The following COG5 variants were observed in gnomAD, a reference collection of about 807,000 sequenced individuals.
COG5 encodes conserved oligomeric Golgi complex subunit 5.
A neutral mutation model predicts 110.4 loss-of-function variants in COG5; 86 were observed. That is an observed-to-expected ratio of 0.78 (90% CI 0.65 to 0.93). The LOEUF is 0.93. Among genes scored for constraint, COG5 ranks in the 40% least tolerant of loss-of-function variants. The probability of loss-of-function intolerance (pLI) is 0.00; values close to 1 mark genes in which losing one functional copy is unlikely to be tolerated. For missense variants in COG5, 1,077 were observed against 987.0 expected (o/e 1.09, Z -1.22); for synonymous variants, 360 against 334.6 (o/e 1.08, Z -0.83).
At chr7:107,503,578 A>G (rs948454076) in intron 6 of COG5, among the ~76,000 whole-genome samples, 3 of 152,184 alleles carry the variant, frequency 2.0e-5, no homozygotes, top group Non-Finnish European at 2.9e-5. Flanking sequence ...CTGAATATGT[A>G]GACTGCTTTG....
At chr7:107,380,814 C>T (rs936179748) in intron 7 of COG5, among the ~76,000 whole-genome samples, 1 of 152,130 alleles carries the variant, frequency 6.6e-6, no homozygotes, top group African/African-American at 2.4e-5. Context: ...TTTTATGAGG[C>T]CAGCATCATC....
At chr7:107,248,300 TG>T in intron 17 of COG5, 95 bp downstream of exon 17, 1 of 819,606 alleles carries the variant, frequency 1.2e-6, no homozygotes, top group Non-Finnish European at 2.1e-6. Flanking sequence ...AACAAGGCCC[TG>T]GATGGCAGGG....
At chr7:107,213,036 G>A (rs556280310) in intron 19 of COG5, among the ~76,000 whole-genome samples, 4 of 152,270 alleles carry the variant, frequency 2.6e-5, no homozygotes, top group East Asian at 3.9e-4. Flanking sequence ...AAGATCCCCT[G>A]GTGTCAAACA....
chr7:107,562,618 C>G (rs1803940485), intron 1 of COG5, among the ~76,000 whole-genome samples: 1 of 152,128 alleles, frequency 6.6e-6, no homozygotes, highest in South Asian at 2.1e-4. Flanking sequence ...GGGTCTCTGC[C>G]TTGTATCTAA....
At chr7:107,231,767 C>A (rs1012386226) in intron 18 of COG5, among the ~76,000 whole-genome samples, 4 of 152,104 alleles carry the variant, frequency 2.6e-5, no homozygotes, top group Non-Finnish European at 5.9e-5. Flanking sequence ...GTGCTAGGTA[C>A]CAAGCTAGAT....
rs994774713 is a variant in COG5, at chr7:107,404,937, G to A, written c.669+7565C>T. Among the ~76,000 whole-genome samples the A allele has an allele frequency of 9.5e-5, 14 of 147,306 alleles. No individual in the cohort carries two copies. The East Asian group carries it at 2.8e-3, about 29-fold the overall frequency. On this transcript the variant is annotated intron_variant, in intron 7 of 21. Transcript: ENST00000297135. ...TTGGCCAGAAAACAAAAATTCTGAGGAATGCTGAAGGACCAGTTTAGATTA... is the reference window on the plus strand; with the variant it reads ...TTGGCCAGAAAACAAAAATTCTGAGAAATGCTGAAGGACCAGTTTAGATTA...
intron 7 of COG5, among the ~76,000 whole-genome samples, chr7:107,376,797 T>C (rs1054008901): frequency 2.6e-5 from 4 of 152,094 alleles, no homozygotes; most frequent in Non-Finnish European, 4.4e-5. Context: ...TTTATCAGAT[T>C]AAAGATACTG....
At chr7:107,294,643 C>T (rs114008925) in intron 12 of COG5, among the ~76,000 whole-genome samples, 2,095 of 151,426 alleles carry the variant, frequency 0.014, 45 homozygotes, top group African/African-American at 0.049. Flanking sequence ...CACTTCCCTT[C>T]TTCATTCACT....
At chr7:107,237,277 G>C (rs1229673429) in intron 17 of COG5, among the ~76,000 whole-genome samples, 1 of 152,030 alleles carries the variant, frequency 6.6e-6, no homozygotes, top group Non-Finnish European at 1.5e-5. Flanking sequence ...CTTTAATTTG[G>C]ATCAACAAAT....
rs576033594 is a variant in COG5 at position 107,477,023 on chromosome 7, C to G, written c.538+50214G>C. ...GCCCAATTTCCTTCTGTCTTATTTT[C>G]TACTGTTTTTTGGAATTTAAAAAAA... On this transcript the variant is annotated intron_variant, in intron 6 of 21. Transcript: ENST00000297135. Among the ~76,000 whole-genome samples the G allele has an allele frequency of 1.8e-4, 28 of 151,684 alleles. No homozygotes were observed. The South Asian group carries it at 5.8e-3, about 31-fold the overall frequency.
chr7:107,328,747 A>C (rs1413171104), intron 10 of COG5, among the ~76,000 whole-genome samples: 1 of 152,206 alleles, frequency 6.6e-6, no homozygotes, highest in Non-Finnish European at 1.5e-5. Flanking sequence ...AGTTAAAACA[A>C]TAGTAGAAAT....
chr7:107,411,314 A>T (rs991435675), intron 7 of COG5, among the ~76,000 whole-genome samples: 1 of 152,184 alleles, frequency 6.6e-6, no homozygotes, highest in African/African-American at 2.4e-5. Context: ...GATCTAAAAA[A>T]AGGTATCTTC....
At chr7:107,516,748 G>T (rs1799950187) in intron 6 of COG5, among the ~76,000 whole-genome samples, 1 of 152,150 alleles carries the variant, frequency 6.6e-6, no homozygotes, top group African/African-American at 2.4e-5. Flanking sequence ...CCAGCAAACT[G>T]CAGCAGACCT....
At chr7:107,522,010 T>C (rs1800353910) in intron 6 of COG5, among the ~76,000 whole-genome samples, 1 of 151,712 alleles carries the variant, frequency 6.6e-6, no homozygotes, top group Non-Finnish European at 1.5e-5. Flanking sequence ...CTCAGCAAAC[T>C]AGCACAGGAA....
chr7:107,307,464 C>A (rs926804537), intron 11 of COG5, among the ~76,000 whole-genome samples: 4 of 152,168 alleles, frequency 2.6e-5, no homozygotes, highest in South Asian at 4.1e-4. Flanking sequence ...CTCTGTGTAT[C>A]CATCACTTAG....
chr7:107,463,246 T>G (rs1247711726), intron 6 of COG5, among the ~76,000 whole-genome samples: 1 of 152,234 alleles, frequency 6.6e-6, no homozygotes, highest in South Asian at 2.1e-4. Flanking sequence ...TAAGGCCAGG[T>G]CAGCTGCATC....
chr7:107,242,054 T>G lies in COG5; in HGVS notation c.1854-5367A>C, dbSNP rs181195505. Among the ~76,000 whole-genome samples the G allele has an allele frequency of 4.5e-3, 680 of 152,310 alleles. 3 individuals are homozygous for G. Among genetic ancestry groups the G allele is most frequent in the African/African-American group, 0.016 (652 of 41,582 alleles). ...GCCTCAGCCTCTCAAAGTGCTGGAA[T>G]TACAGGCATAAGCCACTGTGCCCAG... On this transcript the variant is annotated intron_variant, in intron 17 of 21. Transcript: ENST00000297135.
intron 6 of COG5, among the ~76,000 whole-genome samples, chr7:107,518,252 A>G (rs1230897237): frequency 6.6e-6 from 1 of 152,212 alleles, no homozygotes; most frequent in Non-Finnish European, 1.5e-5. Context: ...TGCATCAACT[A>G]GTGTGCAAAA....
At chr7:107,476,518 T>C (rs115909018) in intron 6 of COG5, among the ~76,000 whole-genome samples, 9 of 151,754 alleles carry the variant, frequency 5.9e-5, no homozygotes, top group African/African-American at 1.9e-4. Flanking sequence ...AATTTAACTT[T>C]AGGCATTTTT....
Sources: allele counts gnomAD v4.1 joint callset (sites outside exome capture counted in the v4.1 genomes callset), GRCh38; gene constraint gnomAD v4.1.1; transcripts MANE v1.5; gene names NCBI Gene and HGNC (gene_info 2026-07-23, HGNC 2026-07-21).